The following TRIR variants were observed in gnomAD, a reference collection of about 807,000 sequenced individuals.
TRIR encodes the protein telomerase RNA component-interacting RNase.
In TRIR, 5 loss-of-function variants were observed where a neutral mutation model predicts 18.2. The ratio of observed to expected loss-of-function variants is 0.27; its 90% CI spans 0.14 to 0.58. The LOEUF is 0.58. TRIR is among the 20% of genes least tolerant of loss of function. The pLI is 0.91. For synonymous variants in TRIR, 134 were observed against 114.4 expected, an observed-to-expected ratio of 1.17 and a Z score of -1.10; for missense variants, 206 against 252.8, an observed-to-expected ratio of 0.81 and a Z score of 1.25.
At position 12,730,935 on chromosome 19, in the gene TRIR, G is replaced by C. The variant is rs753626060; in HGVS notation, c.*26C>G. ...GTTATGTACATCGCAGAGAGTCCCA[G>C]GCCATGGGCAGGTGGGGGAGGGGCG... On this transcript the variant is annotated 3_prime_UTR_variant, in exon 3 of 3. Coordinates refer to ENST00000242784, the MANE Select transcript of TRIR (RefSeq NM_024038.4). 1 of 1,590,250 alleles carries C rather than the reference G, an allele frequency of 6.3e-7. No individual in the cohort carries two copies. The highest frequency in any genetic ancestry group is 1.7e-5 in the Admixed American group (1 of 59,990).
At position 12,731,572 on chromosome 19, in the gene TRIR, G is replaced by C. The variant is rs990938944; in HGVS notation, c.346-151C>G. On this transcript the variant is annotated intron_variant, in intron 1 of 2. Coordinates refer to ENST00000242784, the MANE Select transcript of TRIR (RefSeq NM_024038.4). The surrounding 1 kb of genome is among the most constrained non-coding windows in gnomAD (Gnocchi z 5.1). The stretch of plus-strand genomic sequence containing the variant: ...AGCCGGCCGACCTGCGCAGCAATCA[G>C]AGAGGAGCACACGCGACTCAGCGCC... 1.8e-5 allele frequency: 14 copies of C among 787,576 alleles called. No homozygotes were observed. The African/African-American group carries it at 2.3e-4, about 13-fold the overall frequency. The allele number at this position is 787,576 out of a possible 1,614,324, so 48.8% of individuals were successfully genotyped here.
chr19:12,734,024 G>A lies in TRIR; in HGVS notation c.345+289C>T, dbSNP rs1018790426. On this transcript the variant is annotated intron_variant, in intron 1 of 2. Coordinates refer to ENST00000242784, the MANE Select transcript of TRIR (RefSeq NM_024038.4). The surrounding 1 kb of genome is among the most constrained non-coding windows in gnomAD (Gnocchi z 4.1). Reference sequence around the variant, plus strand: ...GGTGGTCCCATGACCCAAGGTCCGGGTACCACTCAAACAGGAATCCTGATA... The same window carrying A: ...GGTGGTCCCATGACCCAAGGTCCGGATACCACTCAAACAGGAATCCTGATA... 2.0e-5 allele frequency among the ~76,000 whole-genome samples: 3 copies of A among 152,168 alleles called. No individual in the cohort carries two copies. The highest frequency in any genetic ancestry group is 6.5e-5 in the Admixed American group (1 of 15,274).
Position 12,734,272 on chromosome 19 carries a change from G to C in TRIR, c.345+41C>G. The stretch of plus-strand genomic sequence containing the variant: ...CACGGGCCCCGACTCCCGCTGCCAA[G>C]ACAGGCCGTGGCGCCCGCCCCCACC... On this transcript the variant is annotated intron_variant, in intron 1 of 2. Coordinates refer to ENST00000242784, the MANE Select transcript of TRIR (RefSeq NM_024038.4). This position sits in a 1 kb window ranked among gnomAD's most constrained non-coding sequence, Gnocchi z 4.1. 2.2e-6 allele frequency: 3 copies of C among 1,379,214 alleles called. No homozygotes were observed. Among genetic ancestry groups the C allele is most frequent in the African/African-American group, 1.5e-5 (1 of 65,222 alleles). 85.4% of individuals were successfully genotyped at this position (1,379,214 alleles called of 1,614,324 possible). A position where few individuals can be genotyped will look rare whatever the true frequency, so the allele number is the denominator to read the frequency against.
chr19:12,734,411 C>T lies in TRIR; in HGVS notation c.247G>A (p.Glu83Lys). Reference protein sequence around the residue: ...MEEEQRQRQEEPPPGPQRPDQ... With the variant: ...MEEEQRQRQEKPPPGPQRPDQ... ...GGTCGCTGCGGACCCGGGGGCGGCTCCTCCTGCCGCTGCCGCTGCTCCTCC... is the reference window on the plus strand; with the variant it reads ...GGTCGCTGCGGACCCGGGGGCGGCTTCTCCTGCCGCTGCCGCTGCTCCTCC... The change falls in exon 1 of 3, where the codon GAG becomes AAG. Residue 83 changes from glutamate to lysine, a missense_variant. Glu to Lys is a moderately conservative substitution (Grantham distance 56, BLOSUM62 1). Transcript: ENST00000242784. The surrounding 1 kb of genome is among the most constrained non-coding windows in gnomAD (Gnocchi z 4.1). The T allele has an allele frequency of 6.6e-7, 1 of 1,519,156 alleles. No individual in the cohort carries two copies. The highest frequency in any genetic ancestry group is 1.4e-5 in the African/African-American group (1 of 69,966). 94.1% of individuals were successfully genotyped at this position (1,519,156 alleles called of 1,614,324 possible). A position where few individuals can be genotyped will look rare whatever the true frequency, so the allele number is the denominator to read the frequency against.
Position 12,731,637 on chromosome 19 carries a change from G to A in TRIR, c.346-216C>T. 1.7e-6 allele frequency: 1 copy of A among 583,338 alleles called. No individual in the cohort carries two copies. 36.1% of individuals were successfully genotyped at this position (583,338 alleles called of 1,614,324 possible). A position where few individuals can be genotyped will look rare whatever the true frequency, so the allele number is the denominator to read the frequency against. ...GGTGCCCTCCCAGGGAGCAAGAAGAGTGTCCACCTCAGTAGGGACCAGCTC... is the reference window on the plus strand; with the variant it reads ...GGTGCCCTCCCAGGGAGCAAGAAGAATGTCCACCTCAGTAGGGACCAGCTC... On this transcript the variant is annotated intron_variant, in intron 1 of 2. Coordinates refer to ENST00000242784, the MANE Select transcript of TRIR (RefSeq NM_024038.4). The surrounding 1 kb of genome is among the most constrained non-coding windows in gnomAD (Gnocchi z 5.1).
Position 12,730,644 on chromosome 19 carries a change from G to T in TRIR, c.*317C>A. Reference sequence around the variant, plus strand: ...AAGACAAACCAAGCACACAGCTCCGGCACTAAGTCAAGTTCTTTACTTCCC... The same window carrying T: ...AAGACAAACCAAGCACACAGCTCCGTCACTAAGTCAAGTTCTTTACTTCCC... On this transcript the variant is annotated 3_prime_UTR_variant, in exon 3 of 3. Transcript: ENST00000242784. The T allele has an allele frequency of 4.9e-6, 2 of 410,388 alleles. No homozygotes were observed. Among genetic ancestry groups the T allele is most frequent in the Non-Finnish European group, 9.0e-6 (2 of 221,982 alleles). 25.4% of individuals were successfully genotyped at this position (410,388 alleles called of 1,614,324 possible).
In TRIR at chr19:12,734,379, C is replaced by G; in HGVS notation, c.279G>C (p.Gln93His). The change falls in exon 1 of 3, where the codon CAG (glutamine) becomes CAC (histidine). Residue 93 changes from glutamine (Q) to histidine (H), a missense_variant. Physicochemically the swap from Gln to His is conservative, Grantham distance 24. Around this residue, in one of 2 missense-constraint regions of TRIR, gnomAD observed 172 missense variants for 165.0 expected, o/e 1.04. Transcript: ENST00000242784. This position sits in a 1 kb window ranked among gnomAD's most constrained non-coding sequence, Gnocchi z 4.1. Reference sequence around the variant, plus strand: ...CCCCGGGGCCAGCGGCGGCGGCCGACTGGTCGGGTCGCTGCGGACCCGGGG... The same window carrying G: ...CCCCGGGGCCAGCGGCGGCGGCCGAGTGGTCGGGTCGCTGCGGACCCGGGG... ...EPPPGPQRPD[Q>H]SAAAAGPGDP... 1 of 1,482,842 alleles carries G rather than the reference C, an allele frequency of 6.7e-7. No homozygotes were observed. Among genetic ancestry groups the G allele is most frequent in the African/African-American group, 1.5e-5 (1 of 68,058 alleles). 91.9% of individuals were successfully genotyped at this position (1,482,842 alleles called of 1,614,324 possible). A position where few individuals can be genotyped will look rare whatever the true frequency, so the allele number is the denominator to read the frequency against.
chr19:12,731,194 C>A lies in TRIR; in HGVS notation c.424-126G>T. 7.9e-7 allele frequency: 1 copy of A among 1,264,384 alleles called. No homozygotes were observed. Among genetic ancestry groups the A allele is most frequent in the South Asian group, 1.2e-5 (1 of 83,056 alleles). 78.3% of individuals were successfully genotyped at this position (1,264,384 alleles called of 1,614,324 possible). A position where few individuals can be genotyped will look rare whatever the true frequency, so the allele number is the denominator to read the frequency against. The stretch of plus-strand genomic sequence containing the variant: ...GGGTTTGAGCTGAAGATTATAAAGT[C>A]AAGTTATCTGGGGACCCATTGACAG... On this transcript the variant is annotated intron_variant, in intron 2 of 2. Transcript: ENST00000242784. The surrounding 1 kb of genome is among the most constrained non-coding windows in gnomAD (Gnocchi z 5.1).
At position 12,731,178 on chromosome 19, in the gene TRIR, C is replaced by A; in HGVS notation, c.424-110G>T. 1 of 1,282,296 alleles carries A rather than the reference C, an allele frequency of 7.8e-7. No individual in the cohort carries two copies. The highest frequency in any genetic ancestry group is 1.1e-6 in the Non-Finnish European group (1 of 883,554). 79.4% of individuals were successfully genotyped at this position (1,282,296 alleles called of 1,614,324 possible). A position where few individuals can be genotyped will look rare whatever the true frequency, so the allele number is the denominator to read the frequency against. ...TCACCCAGAAGACTCTGGGTTTGAG[C>A]TGAAGATTATAAAGTCAAGTTATCT... On this transcript the variant is annotated intron_variant, in intron 2 of 2. Transcript: ENST00000242784. This position sits in a 1 kb window ranked among gnomAD's most constrained non-coding sequence, Gnocchi z 5.1.
At position 12,734,363 on chromosome 19, in the gene TRIR, C is replaced by T; in HGVS notation, c.295G>A (p.Gly99Ser). The stretch of plus-strand genomic sequence containing the variant: ...CCCTTCCTCTTCGGATCCCCGGGGC[C>T]AGCGGCGGCGGCCGACTGGTCGGGT... ...QRPDQSAAAA[G>S]PGDPKRKGGP... The change falls in exon 1 of 3, where the codon GGC becomes AGC. Residue 99 changes from glycine to serine, a missense_variant. Gly to Ser is a moderately conservative substitution (Grantham distance 56). Transcript: ENST00000242784. The surrounding 1 kb of genome is among the most constrained non-coding windows in gnomAD (Gnocchi z 4.1). 6.8e-7 allele frequency: 1 copy of T among 1,472,046 alleles called. No individual in the cohort carries two copies. Among genetic ancestry groups the T allele is most frequent in the Non-Finnish European group, 9.0e-7 (1 of 1,112,054 alleles). The allele number at this position is 1,472,046 out of a possible 1,614,324, so 91.2% of individuals were successfully genotyped here.
Position 12,734,458 on chromosome 19 carries a change from T to C in TRIR, c.200A>G (p.Glu67Gly). ...NLFANDGSFL[E>G]LFKRKMEEEQ... ...CTCCTCCATCTTCCGCTTGAACAGC[T>C]CCAGGAAGCTGCCGTCGTTGGCGAA... is the stretch of plus-strand genomic sequence containing the variant. The change falls in exon 1 of 3, where the codon GAG becomes GGG. Residue 67 changes from glutamate (E) to glycine (G), a missense_variant. Physicochemically the swap from Glu to Gly is moderately conservative, Grantham distance 98. Coordinates refer to ENST00000242784, the MANE Select transcript of TRIR (RefSeq NM_024038.4). This position sits in a 1 kb window ranked among gnomAD's most constrained non-coding sequence, Gnocchi z 4.1. The C allele has an allele frequency of 6.5e-7, 1 of 1,535,576 alleles. No individual in the cohort carries two copies.
Position 12,734,266 on chromosome 19 carries a change from TGCC to T in TRIR, c.345+44_345+46del. ...CCCCTTCACGGGCCCCGACTCCCGC[TGCC>T]AAGACAGGCCGTGGCGCCCGCCCCC... On this transcript the variant is annotated intron_variant, in intron 1 of 2. Coordinates refer to ENST00000242784, the MANE Select transcript of TRIR (RefSeq NM_024038.4). The surrounding 1 kb of genome is among the most constrained non-coding windows in gnomAD (Gnocchi z 4.1). 2.9e-6 allele frequency: 4 copies of T among 1,375,384 alleles called. No individual in the cohort carries two copies. The highest frequency in any genetic ancestry group is 3.8e-6 in the Non-Finnish European group (4 of 1,065,266). 85.2% of individuals were successfully genotyped at this position (1,375,384 alleles called of 1,614,324 possible). A position where few individuals can be genotyped will look rare whatever the true frequency, so the allele number is the denominator to read the frequency against.
At position 12,734,360 on chromosome 19, in the gene TRIR, G is replaced by C; in HGVS notation, c.298C>G (p.Pro100Ala). ...CCGCCCTTCCTCTTCGGATCCCCGG[G>C]GCCAGCGGCGGCGGCCGACTGGTCG... is the stretch of plus-strand genomic sequence containing the variant. ...RPDQSAAAAGPGDPKRKGGPG... is the reference protein window; with the variant it reads ...RPDQSAAAAGAGDPKRKGGPG... The change falls in exon 1 of 3, where the codon CCC (proline) becomes GCC (alanine). Residue 100 changes from proline to alanine, a missense_variant. By Grantham distance (27) the Pro-to-Ala change is conservative. This residue lies in a region of TRIR where 172 missense variants were observed against 165.0 expected (regional missense o/e 1.04). Coordinates refer to ENST00000242784, the MANE Select transcript of TRIR (RefSeq NM_024038.4). This position sits in a 1 kb window ranked among gnomAD's most constrained non-coding sequence, Gnocchi z 4.1. 1 of 1,469,738 alleles carries C rather than the reference G, an allele frequency of 6.8e-7. No homozygotes were observed. The highest frequency in any genetic ancestry group is 1.3e-5 in the South Asian group (1 of 74,352). The allele number at this position is 1,469,738 out of a possible 1,614,324, so 91.0% of individuals were successfully genotyped here.
rs762029407 is a variant in TRIR at position 12,731,120 on chromosome 19, G to A, written c.424-52C>T. On this transcript the variant is annotated intron_variant, in intron 2 of 2. Transcript: ENST00000242784. This position sits in a 1 kb window ranked among gnomAD's most constrained non-coding sequence, Gnocchi z 5.1. ...CGGGGGTGCCAGGAACCAGGGTCAG[G>A]ACTGCCCTGAGACAGGTGACCCATT... The A allele has an allele frequency of 1.2e-5, 18 of 1,473,334 alleles. No homozygotes were observed. In the South Asian group the frequency reaches 1.9e-4, roughly 16 times the overall value. The allele number at this position is 1,473,334 out of a possible 1,614,324, so 91.3% of individuals were successfully genotyped here. A position where few individuals can be genotyped will look rare whatever the true frequency, so the allele number is the denominator to read the frequency against.
chr19:12,730,750 G>C lies in TRIR; in HGVS notation c.*211C>G. On this transcript the variant is annotated 3_prime_UTR_variant, in exon 3 of 3. Transcript: ENST00000242784. The stretch of plus-strand genomic sequence containing the variant: ...AGAGAGAATGAGGAGGTGAGAAGGG[G>C]GGGACAGTAAACCACTGTTCTATGA... 4 of 595,996 alleles carry C rather than the reference G, an allele frequency of 6.7e-6. No homozygotes were observed. The highest frequency in any genetic ancestry group is 6.0e-5 in the South Asian group (3 of 49,754). 36.9% of individuals were successfully genotyped at this position (595,996 alleles called of 1,614,324 possible).
At chr19:12,732,491 A>AT (rs1400995374) in intron 1 of TRIR, among the ~76,000 whole-genome samples, 1 of 152,038 alleles carries the variant, frequency 6.6e-6, no homozygotes, top group African/African-American at 2.4e-5. Flanking sequence ...TTCATCCTGT[A>AT]TCCCACCTTC....
At position 12,731,338 on chromosome 19, in the gene TRIR, G is replaced by A. The variant is rs752478963; in HGVS notation, c.423+6C>T. The A allele has an allele frequency of 4.3e-6, 7 of 1,613,150 alleles. No homozygotes were observed. In the East Asian group the frequency reaches 1.6e-4, roughly 36 times the overall value. ...TGGGTGGACCCCCTGCACCAAGCTG[G>A]CTCACCTCATCCTCCGTCTTCTGCT... On this transcript the variant is annotated splice_donor_region_variant and intron_variant, in intron 2 of 2. Coordinates refer to ENST00000242784, the MANE Select transcript of TRIR (RefSeq NM_024038.4). The surrounding 1 kb of genome is among the most constrained non-coding windows in gnomAD (Gnocchi z 5.1).
chr19:12,731,394 G>A lies in TRIR; in HGVS notation c.373C>T (p.Leu125=). 6.2e-7 allele frequency: 1 copy of A among 1,613,508 alleles called. No individual in the cohort carries two copies. The highest frequency in any genetic ancestry group is 8.5e-7 in the Non-Finnish European group (1 of 1,179,588). Reference sequence around the variant, plus strand: ...GCTACTATTCCCGTCTTGAGGGCTAGTTTGTTCCCGCCTCTGCGTTTGCCC... The same window carrying A: ...GCTACTATTCCCGTCTTGAGGGCTAATTTGTTCCCGCCTCTGCGTTTGCCC... ...FVGKRRGGNK[L]ALKTGIVAKK... is the part of the protein sequence containing the mutation. The change falls in exon 2 of 3, where the codon CTA becomes TTA. Residue 125 remains leucine (L), a synonymous_variant. Coordinates refer to ENST00000242784, the MANE Select transcript of TRIR (RefSeq NM_024038.4). This position sits in a 1 kb window ranked among gnomAD's most constrained non-coding sequence, Gnocchi z 5.1.
At position 12,734,508 on chromosome 19, in the gene TRIR, G is replaced by A; in HGVS notation, c.150C>T (p.Ser50=). 2 of 1,535,730 alleles carry A rather than the reference G, an allele frequency of 1.3e-6. No individual in the cohort carries two copies. The highest frequency in any genetic ancestry group is 1.7e-6 in the Non-Finnish European group (2 of 1,143,680). ...GDEEVSGAGS[S]PVSGGVNLFA... Reference sequence around the variant, plus strand: ...ACAAGTTCACGCCGCCCGACACCGGGCTCGAACCCGCGCCCGACACCTCCT... The same window carrying A: ...ACAAGTTCACGCCGCCCGACACCGGACTCGAACCCGCGCCCGACACCTCCT... The change falls in exon 1 of 3, where the codon AGC becomes AGT. Residue 50 remains serine, a synonymous_variant. Coordinates refer to ENST00000242784, the MANE Select transcript of TRIR (RefSeq NM_024038.4). The surrounding 1 kb of genome is among the most constrained non-coding windows in gnomAD (Gnocchi z 4.1).
Sources: allele counts gnomAD v4.1 joint callset (sites outside exome capture counted in the v4.1 genomes callset), GRCh38; gene constraint gnomAD v4.1.1; regional missense constraint gnomAD v4.1.1; non-coding constraint Gnocchi (gnomAD v3.1); transcripts MANE v1.5; gene names NCBI Gene and HGNC (gene_info 2026-07-23, HGNC 2026-07-21).